Variants in ENOX1 observed in about 807,000 individuals in gnomAD.
ENOX1 encodes the protein ecto-NOX disulfide-thiol exchanger 1.
A neutral mutation model predicts 82.5 loss-of-function variants in ENOX1; 42 were observed. The ratio of observed to expected loss-of-function variants is 0.51; its 90% confidence interval spans 0.40 to 0.66. ENOX1 has a LOEUF of 0.66. ENOX1 is among the 30% of genes least tolerant of loss of function. The pLI is 0.00. For synonymous variants in ENOX1, 271 were observed against 282.2 expected, an observed-to-expected ratio of 0.96 and a Z score of 0.40; for missense variants, 608 against 811.6, an observed-to-expected ratio of 0.75 and a Z score of 3.05.
intron 1 of ENOX1, among the ~76,000 whole-genome samples, chr13:43,720,401 C>T (rs1463419839): frequency 6.6e-6 from 1 of 152,220 alleles, no homozygotes; most frequent in Non-Finnish European, 1.5e-5. Flanking sequence ...TCCTCAATGG[C>T]TACTCAAAAT....
At chr13:43,465,444 AGC>A (rs1191372880) in intron 3 of ENOX1, among the ~76,000 whole-genome samples, 1 of 151,216 alleles carries the variant, frequency 6.6e-6, no homozygotes, top group Non-Finnish European at 1.5e-5. Context: ...TTGTTTTTTG[AGC>A]ACTTATTTTT....
intron 2 of ENOX1, among the ~76,000 whole-genome samples, chr13:43,627,987 T>G (rs1332054434): frequency 6.6e-6 from 1 of 152,142 alleles, no homozygotes; most frequent in Admixed American, 6.6e-5. Context: ...TCCTTCTAAT[T>G]GATTTTTCCT....
intron 1 of ENOX1, among the ~76,000 whole-genome samples, chr13:43,753,152 G>A (rs1330642581): frequency 2.0e-5 from 3 of 152,070 alleles, no homozygotes; most frequent in East Asian, 3.9e-4. Context: ...GAGCCACCAC[G>A]CCCGGCCTCA....
At chr13:43,547,899 A>G (rs2079037537) in intron 2 of ENOX1, 1 of 152,234 alleles carries the variant, frequency 6.6e-6, no homozygotes, top group Non-Finnish European at 1.5e-5. Context: ...ATCAGGAAAG[A>G]CAGATGCAAG....
chr13:43,305,707 T>C (rs2046819748), intron 11 of ENOX1, among the ~76,000 whole-genome samples: 1 of 152,148 alleles, frequency 6.6e-6, no homozygotes, highest in African/African-American at 2.4e-5. Flanking sequence ...TACATTACTA[T>C]CCTCTGCTCC....
At chr13:43,522,372 A>T (rs2077808335) in intron 2 of ENOX1, among the ~76,000 whole-genome samples, 1 of 152,152 alleles carries the variant, frequency 6.6e-6, no homozygotes, top group South Asian at 2.1e-4. Context: ...CTGATGAATT[A>T]CTCATAATAA....
intron 14 of ENOX1, among the ~76,000 whole-genome samples, chr13:43,252,767 G>C (rs1373792490): frequency 6.6e-6 from 1 of 152,172 alleles, no homozygotes; most frequent in Non-Finnish European, 1.5e-5. Context: ...CTACAAACAG[G>C]ATGTCAGGTC....
intron 1 of ENOX1, among the ~76,000 whole-genome samples, chr13:43,703,624 C>G (rs968560218): frequency 3.3e-5 from 5 of 152,078 alleles, no homozygotes; most frequent in Non-Finnish European, 5.9e-5. Flanking sequence ...CAGTAGATGA[C>G]AAATTTAAAG....
intron 3 of ENOX1, among the ~76,000 whole-genome samples, chr13:43,479,506 T>A (rs2058425853): frequency 6.6e-6 from 1 of 152,230 alleles, no homozygotes; most frequent in Non-Finnish European, 1.5e-5. Flanking sequence ...CTCTGCCATT[T>A]TCCTGTACTG....
chr13:43,334,036 T>C (rs1269906063), intron 9 of ENOX1, among the ~76,000 whole-genome samples: 1 of 152,198 alleles, frequency 6.6e-6, no homozygotes, highest in Non-Finnish European at 1.5e-5. Context: ...TCAACATCAC[T>C]TGAGAACTCA....
intron 1 of ENOX1, among the ~76,000 whole-genome samples, chr13:43,754,578 T>C (rs1328956295): frequency 2.0e-5 from 3 of 147,728 alleles, no homozygotes; most frequent in Non-Finnish European, 4.6e-5. Flanking sequence ...TATCTTTTAA[T>C]TTTAGCAGCT....
intron 5 of ENOX1, among the ~76,000 whole-genome samples, chr13:43,407,679 A>C (rs1182942129): frequency 1.3e-5 from 2 of 152,136 alleles, no homozygotes; most frequent in Admixed American, 6.5e-5. Flanking sequence ...CCTTGGGAAA[A>C]CCTACAAAGA....
chr13:43,717,012 G>A (rs962872330), intron 1 of ENOX1, among the ~76,000 whole-genome samples: 9 of 152,154 alleles, frequency 5.9e-5, no homozygotes, highest in South Asian at 2.1e-4. Flanking sequence ...AAATACTAAC[G>A]CTGTTTTTCA....
chr13:43,640,435 A>T (rs1002693784), intron 2 of ENOX1, among the ~76,000 whole-genome samples: 1 of 152,182 alleles, frequency 6.6e-6, no homozygotes, highest in African/African-American at 2.4e-5. Flanking sequence ...CCAGCAATCC[A>T]TGGTGTATCA....
chr13:43,719,588 T>C (rs1307676772), intron 1 of ENOX1, among the ~76,000 whole-genome samples: 1 of 152,118 alleles, frequency 6.6e-6, no homozygotes, highest in Non-Finnish European at 1.5e-5. Context: ...ATGGCACTCA[T>C]AGACAAAACA....
chr13:43,474,784 T>C (rs980080330), intron 3 of ENOX1, among the ~76,000 whole-genome samples: 1 of 152,114 alleles, frequency 6.6e-6, no homozygotes, highest in Admixed American at 6.6e-5. Context: ...TATTACTTTT[T>C]AAGAAAAATT....
intron 14 of ENOX1, among the ~76,000 whole-genome samples, chr13:43,249,971 A>T (rs17460283): frequency 1.8e-3 from 278 of 152,332 alleles, no homozygotes; most frequent in Middle Eastern, 3.4e-3. Flanking sequence ...TCTGATTATA[A>T]ACCAAATAAT....
intron 3 of ENOX1, among the ~76,000 whole-genome samples, chr13:43,447,683 C>T (rs559694594): frequency 1.3e-5 from 2 of 152,186 alleles, no homozygotes; most frequent in South Asian, 2.1e-4. Context: ...CATAAAACAG[C>T]CAGCTATAGC....
At chr13:43,398,890 G>C (rs576703514) in intron 5 of ENOX1, among the ~76,000 whole-genome samples, 1 of 150,588 alleles carries the variant, frequency 6.6e-6, no homozygotes, top group African/African-American at 2.5e-5. Flanking sequence ...CAATCTCCCA[G>C]GCTCAAGTGA....
Sources: gnomAD v4.1 joint callset for allele counts (sites outside exome capture counted in the v4.1 genomes callset) on GRCh38, gnomAD v4.1.1 for gene constraint, MANE v1.5 for transcripts, NCBI Gene and HGNC (gene_info 2026-07-23, HGNC 2026-07-21) for gene names.